JMJD1C: variants seen among roughly 807,000 people sequenced by gnomAD.
The protein encoded by JMJD1C is jumonji domain-containing protein 1C.
Under a neutral mutation model 245.3 loss-of-function variants are expected in JMJD1C, and 31 were observed. The observed-to-expected ratio is 0.13, with a 90% confidence interval of 0.09 to 0.17. JMJD1C has a LOEUF of 0.17. Among genes scored for constraint, JMJD1C ranks in the 10% least tolerant of loss-of-function variants. JMJD1C has a pLI of 1.00. For synonymous variants in JMJD1C, 1,057 were observed against 1,017.4 expected, an observed-to-expected ratio of 1.04 and a Z score of -0.74; for missense variants, 2,691 against 3,000.2, an observed-to-expected ratio of 0.90 and a Z score of 2.41.
At position 63,214,108 on chromosome 10, in the gene JMJD1C, GA is replaced by G; in HGVS notation, c.2058del (p.His687IlefsTer10). The G allele has an allele frequency of 6.2e-7, 1 of 1,614,214 alleles. No homozygotes were observed. The highest frequency in any genetic ancestry group is 8.5e-7 in the Non-Finnish European group (1 of 1,180,028). On this transcript the variant is annotated frameshift_variant, in exon 8 of 26. Coordinates refer to ENST00000399262, the MANE Select transcript of JMJD1C (RefSeq NM_032776.3). LOFTEE classifies it high-confidence loss of function. Reference sequence around the variant, plus strand: ...GTACTGCTTCGAGTAGGAATTGGATGAAAACTGCATCTTGATAGCTCATGTT... The same window carrying G: ...GTACTGCTTCGAGTAGGAATTGGATGAAACTGCATCTTGATAGCTCATGTT... ...KIEHELSRCS[F>X]HPIPTRSSTL...
At chr10:63,345,402 G>A (rs1203934525) in intron 2 of JMJD1C, among the ~76,000 whole-genome samples, 1 of 150,952 alleles carries the variant, frequency 6.6e-6, no homozygotes, top group Non-Finnish European at 1.5e-5. Flanking sequence ...AAGGAGAATC[G>A]CTTGAACCCA....
intron 3 of JMJD1C, among the ~76,000 whole-genome samples, chr10:63,231,978 C>T (rs1340065607): frequency 6.6e-6 from 1 of 152,038 alleles, no homozygotes; most frequent in African/African-American, 2.4e-5. Context: ...GCTGGGATTA[C>T]AGGCACTGCC....
At chr10:63,438,407 C>A (rs1182350455) in intron 1 of JMJD1C, among the ~76,000 whole-genome samples, 1 of 152,130 alleles carries the variant, frequency 6.6e-6, no homozygotes, top group Non-Finnish European at 1.5e-5. Flanking sequence ...TCTAATGCTA[C>A]CACAGAATCG....
intron 2 of JMJD1C, among the ~76,000 whole-genome samples, chr10:63,306,766 AAC>A (rs1335544875): frequency 2.6e-5 from 4 of 152,360 alleles, no homozygotes; most frequent in East Asian, 3.9e-4. Flanking sequence ...TTATTGAGAT[AAC>A]AGACGTTTTC....
Position 63,292,715 on chromosome 10 carries a change from G to A in JMJD1C, c.334-27951C>T, listed in dbSNP as rs1056054957. 2.6e-5 allele frequency among the ~76,000 whole-genome samples: 4 copies of A among 152,094 alleles called. No individual in the cohort carries two copies. In the East Asian group the frequency reaches 7.7e-4, roughly 29 times the overall value. On this transcript the variant is annotated intron_variant, in intron 2 of 25. Coordinates refer to ENST00000399262, the MANE Select transcript of JMJD1C (RefSeq NM_032776.3). The stretch of plus-strand genomic sequence containing the variant: ...CATAGTCCCTCTTTATTAACAGGAT[G>A]ATATAAAGTCACCTACCATTCTTAA...
intron 5 of JMJD1C, among the ~76,000 whole-genome samples, chr10:63,216,003 T>C (rs949531346): frequency 2.0e-5 from 3 of 152,208 alleles, no homozygotes; most frequent in Non-Finnish European, 2.9e-5. Context: ...TTTTTATTTT[T>C]AAATAGAAAG....
In JMJD1C at chr10:63,207,262, G is replaced by C. The variant is rs765122527; in HGVS notation, c.4407C>G (p.Pro1469=). ...CAGTTGTGCCTGAGAACCCAGAACT[G>C]GGTTGAACAACACTTCCTGTCTTAC... The part of the protein sequence containing the change: ...ASSKTGSVVQ[P]SSGFSGTTDF... The change falls in exon 10 of 26, where the codon CCC becomes CCG. Residue 1469 remains proline, a synonymous_variant. Transcript: ENST00000399262. 5.6e-6 allele frequency: 9 copies of C among 1,613,954 alleles called. No individual in the cohort carries two copies. In the South Asian group the frequency reaches 9.9e-5, roughly 18 times the overall value.
At chr10:63,415,964 C>T (rs1200292965) in intron 1 of JMJD1C, among the ~76,000 whole-genome samples, 1 of 152,108 alleles carries the variant, frequency 6.6e-6, no homozygotes, top group African/African-American at 2.4e-5. Context: ...CAGCTGAACC[C>T]CCACAACTAC....
At chr10:63,336,779 A>C (rs1742622679) in intron 2 of JMJD1C, among the ~76,000 whole-genome samples, 1 of 152,136 alleles carries the variant, frequency 6.6e-6, no homozygotes, top group Non-Finnish European at 1.5e-5. Flanking sequence ...AATGCAAATA[A>C]ACAGAGTGTG....
At chr10:63,365,648 A>AT (rs1589593041) in intron 2 of JMJD1C, among the ~76,000 whole-genome samples, 1 of 152,168 alleles carries the variant, frequency 6.6e-6, no homozygotes, top group Non-Finnish European at 1.5e-5. Flanking sequence ...TTTGGGTTCC[A>AT]TTTTCACTCT....
intron 10 of JMJD1C, among the ~76,000 whole-genome samples, chr10:63,201,054 A>G (rs1378195921): frequency 1.3e-5 from 2 of 152,230 alleles, no homozygotes; most frequent in Non-Finnish European, 2.9e-5. Context: ...GTTGGTTTAC[A>G]TAGGAGAAAG....
chr10:63,233,073 T>A (rs1342419123), intron 3 of JMJD1C, among the ~76,000 whole-genome samples: 4 of 152,186 alleles, frequency 2.6e-5, no homozygotes, highest in African/African-American at 9.6e-5. Flanking sequence ...ATTTTGACAT[T>A]CTGATCTAGA....
intron 13 of JMJD1C, 28 bp downstream of exon 13, chr10:63,197,383 T>A (rs756251283): frequency 1.3e-6 from 2 of 1,578,056 alleles, no homozygotes; most frequent in Non-Finnish European, 1.7e-6. Flanking sequence ...TATAAAAAAC[T>A]TCAATTTATA....
chr10:63,359,129 T>C (rs1159153783), intron 2 of JMJD1C: 1 of 152,934 alleles, frequency 6.5e-6, no homozygotes, highest in Non-Finnish European at 1.5e-5. Flanking sequence ...TGTTTCATAA[T>C]CCTAGTAATG....
At chr10:63,195,312 C>T (rs2133034665) in intron 13 of JMJD1C, among the ~76,000 whole-genome samples, 1 of 150,762 alleles carries the variant, frequency 6.6e-6, no homozygotes, top group Non-Finnish European at 1.5e-5. Flanking sequence ...CGAGATCGCG[C>T]CATTGCACTC....
chr10:63,194,757 C>G (rs1474105163), intron 13 of JMJD1C: 3 of 172,588 alleles, frequency 1.7e-5, no homozygotes, highest in Non-Finnish European at 3.8e-5. Context: ...CAGACTGACA[C>G]AGTTTGAGAT....
intron 2 of JMJD1C, among the ~76,000 whole-genome samples, chr10:63,336,673 C>T (rs890880122): frequency 6.6e-6 from 1 of 152,102 alleles, no homozygotes; most frequent in Admixed American, 6.5e-5. Context: ...GTCTCAATGA[C>T]ATCATCAAGG....
intron 3 of JMJD1C, among the ~76,000 whole-genome samples, chr10:63,260,723 G>T (rs990002128): frequency 3.3e-5 from 5 of 149,714 alleles, no homozygotes; most frequent in African/African-American, 1.0e-4. Flanking sequence ...CAAAGTAGCT[G>T]GGATTACAGG....
chr10:63,176,724 A>G (rs2132809958), intron 23 of JMJD1C: 1 of 349,236 alleles, frequency 2.9e-6, no homozygotes, highest in Admixed American at 4.3e-5. Context: ...TCCTTCCACT[A>G]TGAAGTTTCC....
Sources: gnomAD v4.1 joint callset for allele counts (sites outside exome capture counted in the v4.1 genomes callset) on GRCh38, gnomAD v4.1.1 for gene constraint, MANE v1.5 for transcripts, NCBI Gene and HGNC (gene_info 2026-07-23, HGNC 2026-07-21) for gene names.